Variants in TRIM59 observed in about 807,000 individuals in gnomAD.
TRIM59 encodes the protein tripartite motif-containing protein 59.
In TRIM59, 14 loss-of-function variants were observed where a neutral mutation model predicts 32.2. The ratio of observed to expected loss-of-function variants is 0.43; its 90% confidence interval spans 0.29 to 0.68. The LOEUF (loss-of-function observed/expected upper bound fraction) is 0.68. TRIM59 is among the 30% of genes least tolerant of loss of function. The pLI, the probability that TRIM59 is intolerant of heterozygous loss-of-function variation, is 0.15. For missense variants in TRIM59, 471 were observed against 463.3 expected (o/e 1.02, Z -0.15); for synonymous variants, 163 against 155.1 (o/e 1.05, Z -0.38).
Position 160,438,561 on chromosome 3 carries a change from C to G in TRIM59, c.623G>C (p.Cys208Ser). 4 of 1,611,292 alleles carry G rather than the reference C, an allele frequency of 2.5e-6. No homozygotes were observed. The highest frequency in any genetic ancestry group is 3.4e-6 in the Non-Finnish European group (4 of 1,179,408). Residue 208 changes from cysteine to serine, a missense_variant, in exon 3 of 3, where the codon TGT (cysteine) becomes TCT (serine). Physicochemically the swap from Cys to Ser is moderately radical, Grantham distance 112. Transcript: ENST00000309784. Reference sequence around the variant, plus strand: ...TTGATTAATTAGATTGCCAACATCACAGAGAGCCGTTAGGAAACTTTTTTT... The same window carrying G: ...TTGATTAATTAGATTGCCAACATCAGAGAGAGCCGTTAGGAAACTTTTTTT... ...QKKKSFLTAL[C>S]DVGNLINQEY...
In TRIM59 at chr3:160,438,499, G is replaced by A. The variant is rs771311464; in HGVS notation, c.685C>T (p.Arg229Ter). Residue 229 changes from arginine (R) to a stop codon, truncating the protein, a stop_gained, in exon 3 of 3, where the codon CGA becomes TGA. Coordinates refer to ENST00000309784, the MANE Select transcript of TRIM59 (RefSeq NM_173084.3). LOFTEE classifies it high-confidence loss of function. Reference sequence around the variant, plus strand: ...GCCATTAATTCAAGCTGCTGCTCTCGTATTTCCTTCATTCTTTCAATTTGT... The same window carrying A: ...GCCATTAATTCAAGCTGCTGCTCTCATATTTCCTTCATTCTTTCAATTTGT... ...TPQIERMKEI[R>*]EQQLELMALT... 24 of 1,612,348 alleles carry A rather than the reference G, an allele frequency of 1.5e-5. No individual in the cohort carries two copies. Among genetic ancestry groups the A allele is most frequent in the Middle Eastern group, 1.6e-4 (1 of 6,080 alleles).
Position 160,448,785 on chromosome 3 carries a change from T to A in TRIM59, c.-63A>T. ...TCTTCTCCAACTCCTCCAGAATCTT[T>A]TATTCTTATTCTAAAATTAAAATAA... On this transcript the variant is annotated 5_prime_UTR_variant, in exon 2 of 3. Coordinates refer to ENST00000309784, the MANE Select transcript of TRIM59 (RefSeq NM_173084.3). The A allele has an allele frequency of 7.9e-7, 1 of 1,261,084 alleles. No individual in the cohort carries two copies. Among genetic ancestry groups the A allele is most frequent in the Non-Finnish European group, 1.0e-6 (1 of 975,544 alleles). The allele number at this position is 1,261,084 out of a possible 1,614,324, so 78.1% of individuals were successfully genotyped here.
chr3:160,436,347 AGCCCCTTTGGGATTT>A lies in TRIM59; in HGVS notation c.*1610_*1624del, dbSNP rs1718944649. ...TAAGGCTCTTCGGTGATCCAAGAGC[AGCCCCTTTGGGATTT>A]CTGGAAAGCAAATCAACCTGCACTT... On this transcript the variant is annotated 3_prime_UTR_variant, in exon 3 of 3. Coordinates refer to ENST00000309784, the MANE Select transcript of TRIM59 (RefSeq NM_173084.3). 1.0e-6 allele frequency: 1 copy of A among 986,038 alleles called. No individual in the cohort carries two copies. Among genetic ancestry groups the A allele is most frequent in the Non-Finnish European group, 1.2e-6 (1 of 830,148 alleles). The allele number at this position is 986,038 out of a possible 1,614,324, so 61.1% of individuals were successfully genotyped here.
intron 2 of TRIM59, among the ~76,000 whole-genome samples, chr3:160,446,053 TC>T (rs980704270): frequency 6.6e-6 from 1 of 151,704 alleles, no homozygotes; most frequent in Non-Finnish European, 1.5e-5. Context: ...AAGACATCCT[TC>T]CCCCCTCAGC....
At position 160,438,031 on chromosome 3, in the gene TRIM59, T is replaced by C. The variant is rs1463892791; in HGVS notation, c.1153A>G (p.Ile385Val). The change falls in exon 3 of 3, where the codon ATA (isoleucine) becomes GTA (valine). Residue 385 changes from isoleucine to valine, a missense_variant. Transcript: ENST00000309784. ...LSNSLHKVKN[I>V]LCHIFYLLKE... ...AACAAATAGAAAATGTGACACAGTATATTCTTTACCTTATGCAGACTGTTA... is the reference window on the plus strand; with the variant it reads ...AACAAATAGAAAATGTGACACAGTACATTCTTTACCTTATGCAGACTGTTA... The C allele has an allele frequency of 6.3e-7, 1 of 1,585,328 alleles. No individual in the cohort carries two copies. Among genetic ancestry groups the C allele is most frequent in the Non-Finnish European group, 8.5e-7 (1 of 1,171,906 alleles).
rs1205245267 is a variant in TRIM59 at position 160,437,265 on chromosome 3, G to A, written c.*707C>T. On this transcript the variant is annotated 3_prime_UTR_variant, in exon 3 of 3. Coordinates refer to ENST00000309784, the MANE Select transcript of TRIM59 (RefSeq NM_173084.3). ...GCTGCTCCAGAGGCAGAGGCGGGAGGATCGATTGAGCCTGGGTGGTCGAAA... is the reference window on the plus strand; with the variant it reads ...GCTGCTCCAGAGGCAGAGGCGGGAGAATCGATTGAGCCTGGGTGGTCGAAA... The A allele has an allele frequency of 1.6e-6, 1 of 641,550 alleles. No individual in the cohort carries two copies. The highest frequency in any genetic ancestry group is 1.4e-4 in the East Asian group (1 of 7,218). 39.7% of individuals were successfully genotyped at this position (641,550 alleles called of 1,614,324 possible). A position where few individuals can be genotyped will look rare whatever the true frequency, so the allele number is the denominator to read the frequency against.
intron 2 of TRIM59, among the ~76,000 whole-genome samples, chr3:160,445,583 A>G (rs1015265181): frequency 9.2e-5 from 14 of 151,820 alleles, no homozygotes; most frequent in African/African-American, 3.1e-4. Flanking sequence ...AGACCAGCCT[A>G]GCCAACATGA....
Position 160,448,806 on chromosome 3 carries a change from A to G in TRIM59, c.-73-11T>C. On this transcript the variant is annotated splice_polypyrimidine_tract_variant and intron_variant, in intron 1 of 2. Coordinates refer to ENST00000309784, the MANE Select transcript of TRIM59 (RefSeq NM_173084.3). ...TCTTTTATTCTTATTCTAAAATTAA[A>G]ATAATGTTATCTTTAATGTTTTCAA... is the stretch of plus-strand genomic sequence containing the variant. 2 of 1,219,314 alleles carry G rather than the reference A, an allele frequency of 1.6e-6. No individual in the cohort carries two copies. The highest frequency in any genetic ancestry group is 1.1e-6 in the Non-Finnish European group (1 of 940,480). The allele number at this position is 1,219,314 out of a possible 1,614,324, so 75.5% of individuals were successfully genotyped here.
At chr3:160,447,558 G>A (rs538630228) in intron 2 of TRIM59, among the ~76,000 whole-genome samples, 1 of 152,288 alleles carries the variant, frequency 6.6e-6, no homozygotes, top group South Asian at 2.1e-4. Flanking sequence ...TTAGGTAATA[G>A]ACAGTATAAT....
chr3:160,444,561 T>G (rs906918157), intron 2 of TRIM59, among the ~76,000 whole-genome samples: 9 of 152,236 alleles, frequency 5.9e-5, no homozygotes, highest in Non-Finnish European at 1.2e-4. Flanking sequence ...TGCTACTCCC[T>G]GCACATGGAG....
Position 160,439,095 on chromosome 3 carries a change from C to A in TRIM59, c.89G>T (p.Cys30Phe). 6.4e-7 allele frequency: 1 copy of A among 1,552,650 alleles called. No homozygotes were observed. Among genetic ancestry groups the A allele is most frequent in the Non-Finnish European group, 8.7e-7 (1 of 1,151,556 alleles). The change falls in exon 3 of 3, where the codon TGT (cysteine) becomes TTT (phenylalanine). Residue 30 changes from cysteine (C) to phenylalanine (F), a missense_variant. Coordinates refer to ENST00000309784, the MANE Select transcript of TRIM59 (RefSeq NM_173084.3). The stretch of plus-strand genomic sequence containing the variant: ...AAGAATGTTTTCCAAACAATTTCTA[C>A]AAAATGTATGAGAGCATGGCAGTAC... ...PRVLPCSHTF[C>F]RNCLENILQA...
intron 2 of TRIM59, among the ~76,000 whole-genome samples, chr3:160,439,793 T>G (rs1203129272): frequency 6.6e-6 from 1 of 152,250 alleles, no homozygotes; most frequent in Non-Finnish European, 1.5e-5. Flanking sequence ...GTCTCAGGTA[T>G]GTCTTTATCA....
intron 2 of TRIM59, 51 bp from the exon 3 acceptor site, chr3:160,439,237 T>C (rs1719122415): frequency 7.2e-6 from 10 of 1,395,752 alleles, no homozygotes; most frequent in Non-Finnish European, 9.4e-6. Flanking sequence ...CCTGTACATA[T>C]TATTTAACAT....
chr3:160,449,153 G>A (rs1322042214), intron 1 of TRIM59, among the ~76,000 whole-genome samples: 1 of 152,170 alleles, frequency 6.6e-6, no homozygotes, highest in Non-Finnish European at 1.5e-5. Flanking sequence ...AAAATACCTT[G>A]CCAGCTCTAA....
At chr3:160,439,663 CTCTTT>C (rs1719140076) in intron 2 of TRIM59, among the ~76,000 whole-genome samples, 1 of 152,130 alleles carries the variant, frequency 6.6e-6, no homozygotes, top group African/African-American at 2.4e-5. Flanking sequence ...TTCACTCATT[CTCTTT>C]TCTTGTCTGC....
At position 160,437,393 on chromosome 3, in the gene TRIM59, T is replaced by C. The variant is rs909441960; in HGVS notation, c.*579A>G. On this transcript the variant is annotated 3_prime_UTR_variant, in exon 3 of 3. Coordinates refer to ENST00000309784, the MANE Select transcript of TRIM59 (RefSeq NM_173084.3). ...AAAAGCCACTTTACTCTAACAGTTA[T>C]CCAAAAGCAATAGTTTTATTTGGAG... is the stretch of plus-strand genomic sequence containing the variant. The C allele has an allele frequency of 1.9e-5, 19 of 985,374 alleles. No individual in the cohort carries two copies. The highest frequency in any genetic ancestry group is 6.1e-5 in the Admixed American group (1 of 16,270). The allele number at this position is 985,374 out of a possible 1,614,324, so 61.0% of individuals were successfully genotyped here.
In TRIM59 at chr3:160,438,218, C is replaced by T. The variant is rs1560023479; in HGVS notation, c.966G>A (p.Lys322=). The T allele has an allele frequency of 1.2e-6, 2 of 1,613,336 alleles. No homozygotes were observed. The highest frequency in any genetic ancestry group is 1.1e-5 in the South Asian group (1 of 90,804). ...TTAAAATTTTTAAAAATTCAACTTC[C>T]TTTTCATCCTTACCAGGCCAGGAAC... ...MSCSWPGKDE[K]EVEFLKILNI... Residue 322 remains lysine (K), a synonymous_variant, in exon 3 of 3, where the codon AAG becomes AAA. Coordinates refer to ENST00000309784, the MANE Select transcript of TRIM59 (RefSeq NM_173084.3).
intron 1 of TRIM59, chr3:160,449,300 C>T: frequency 1.1e-5 from 3 of 279,946 alleles, no homozygotes; most frequent in Admixed American, 4.9e-5. Context: ...ACCTACCTCA[C>T]TTAAGTCCTG....
At position 160,436,091 on chromosome 3, in the gene TRIM59, C is replaced by A; in HGVS notation, c.*1881G>T. The A allele has an allele frequency of 1.8e-6, 2 of 1,113,242 alleles. No individual in the cohort carries two copies. Among genetic ancestry groups the A allele is most frequent in the Non-Finnish European group, 2.2e-6 (2 of 901,936 alleles). The allele number at this position is 1,113,242 out of a possible 1,614,324, so 69.0% of individuals were successfully genotyped here. On this transcript the variant is annotated 3_prime_UTR_variant, in exon 3 of 3. Transcript: ENST00000309784. ...TGTGTCTCTCCTTACCTCTACTATG[C>A]CCTTTAAATGTTCTTTGCCCACACA... is the stretch of plus-strand genomic sequence containing the variant.
Sources: allele counts gnomAD v4.1 joint callset (sites outside exome capture counted in the v4.1 genomes callset), GRCh38; gene constraint gnomAD v4.1.1; transcripts MANE v1.5; gene names NCBI Gene and HGNC (gene_info 2026-07-23, HGNC 2026-07-21).